The following CD180 variants were observed in gnomAD, a reference collection of about 807,000 sequenced individuals.
The protein encoded by CD180 is CD180 antigen.
A neutral mutation model predicts 10.7 loss-of-function variants in CD180; 11 were observed. The ratio of observed to expected loss-of-function variants is 1.03; its 90% CI spans 0.65 to 1.70. The LOEUF is 1.70. Ranked by LOEUF, CD180 falls within the 40% of genes most tolerant of loss-of-function variation. The pLI is 0.00. For synonymous variants in CD180, 286 were observed against 294.6 expected (o/e 0.97, Z 0.30); for missense variants, 729 against 775.2 (o/e 0.94, Z 0.71).
rs747424517 is a variant in CD180 at position 67,182,970 on chromosome 5, A to G, written c.1873T>C (p.Cys625Arg). 6.2e-7 allele frequency: 1 copy of G among 1,614,232 alleles called. No individual in the cohort carries two copies. Among genetic ancestry groups the G allele is most frequent in the Non-Finnish European group, 8.5e-7 (1 of 1,180,028 alleles). ...GVKLSDVKLS[C>R]GITAIGIFFL... ...AAAATGCCTATGGCTGTAATCCCAC[A>G]GGAAAGCTTGACATCAGATAGCTTA... The change falls in exon 3 of 3, where the codon TGT becomes CGT. Residue 625 changes from cysteine to arginine, a missense_variant. Physicochemically the swap from Cys to Arg is radical, Grantham distance 180. Coordinates refer to ENST00000256447, the MANE Select transcript of CD180 (RefSeq NM_005582.3).
intron 1 of CD180, chr5:67,190,972 A>T: frequency 2.0e-6 from 2 of 985,418 alleles, no homozygotes; most frequent in Non-Finnish European, 2.4e-6. Context: ...CACACGCAGC[A>T]GCCACCTCCC....
intron 1 of CD180, among the ~76,000 whole-genome samples, chr5:67,195,947 C>T (rs1254942554): frequency 1.3e-5 from 2 of 152,190 alleles, no homozygotes; most frequent in Non-Finnish European, 2.9e-5. Context: ...TCTCCTTTTT[C>T]TCTCATTATC....
At chr5:67,191,758 CAG>C (rs966343370) in intron 1 of CD180, among the ~76,000 whole-genome samples, 2 of 151,844 alleles carry the variant, frequency 1.3e-5, no homozygotes, top group Non-Finnish European at 2.9e-5. Flanking sequence ...GAGAGAGAGA[CAG>C]AGAGAGAAAA....
intron 1 of CD180, among the ~76,000 whole-genome samples, chr5:67,195,280 A>G (rs1169663915): frequency 6.6e-6 from 1 of 152,172 alleles, no homozygotes; most frequent in Non-Finnish European, 1.5e-5. Flanking sequence ...GCGGTGGCAC[A>G]ATCACGGCTC....
At chr5:67,194,003 C>A (rs1561238479) in intron 1 of CD180, among the ~76,000 whole-genome samples, 1 of 152,120 alleles carries the variant, frequency 6.6e-6, no homozygotes, top group Non-Finnish European at 1.5e-5. Context: ...TCATGCCTCC[C>A]AAATGTCTGT....
Position 67,185,830 on chromosome 5 carries a change from A to G in CD180, c.257+21T>C, listed in dbSNP as rs1374210437. 2.0e-6 allele frequency: 3 copies of G among 1,532,026 alleles called. No homozygotes were observed. The African/African-American group carries it at 4.2e-5, about 21-fold the overall frequency. 94.9% of individuals were successfully genotyped at this position (1,532,026 alleles called of 1,614,324 possible). On this transcript the variant is annotated intron_variant, in intron 2 of 2. Transcript: ENST00000256447. ...TAACTTAAATAAAATAAAAGAGCAC[A>G]CAAATAACTCAGATACATACCTAGT...
At chr5:67,185,062 TCACA>T (rs57251966) in intron 2 of CD180, among the ~76,000 whole-genome samples, 4,659 of 144,978 alleles carry the variant, frequency 0.032, 118 homozygotes, top group African/African-American at 0.081. Context: ...AAATACTGGA[TCACA>T]CACACACACA....
chr5:67,194,442 C>A (rs574033246), intron 1 of CD180, among the ~76,000 whole-genome samples: 2 of 152,246 alleles, frequency 1.3e-5, no homozygotes, highest in South Asian at 4.2e-4. Context: ...CCCCATCCTG[C>A]GGCCTCACCC....
At chr5:67,184,731 A>G in intron 2 of CD180, 146 bp from the exon 3 acceptor site, 1 of 693,646 alleles carries the variant, frequency 1.4e-6, no homozygotes. Flanking sequence ...TGGCCTATTG[A>G]AGGAATTAAT....
chr5:67,196,573 G>C lies in CD180; in HGVS notation c.69C>G (p.Ser23=). 6.2e-7 allele frequency: 1 copy of C among 1,614,034 alleles called. No individual in the cohort carries two copies. The highest frequency in any genetic ancestry group is 8.5e-7 in the Non-Finnish European group (1 of 1,179,990). ...TCACCTCAATGCACATCTGATCCCAGGAGGTGATGACTTTACAGCCGGCAG... is the reference window on the plus strand; with the variant it reads ...TCACCTCAATGCACATCTGATCCCACGAGGTGATGACTTTACAGCCGGCAG... ...LFSAGCKVIT[S]WDQMCIEKEA... is the part of the protein sequence containing the mutation. Residue 23 remains serine (S), a synonymous_variant, in exon 1 of 3, where the codon TCC becomes TCG. Coordinates refer to ENST00000256447, the MANE Select transcript of CD180 (RefSeq NM_005582.3).
chr5:67,196,463 G>T, intron 1 of CD180, 89 bp downstream of exon 1: 2 of 1,216,820 alleles, frequency 1.6e-6, no homozygotes, highest in South Asian at 1.3e-5. Context: ...ACTAGATATT[G>T]GGATGCCAAG....
rs1404671957 is a variant in CD180 at position 67,181,717 on chromosome 5, G to T, written c.*1140C>A. The T allele has an allele frequency of 6.6e-6, 1 of 152,272 alleles. No homozygotes were observed. The highest frequency in any genetic ancestry group is 6.5e-5 in the Admixed American group (1 of 15,280). The allele number at this position is 152,272 out of a possible 1,614,324, so 9.4% of individuals were successfully genotyped here. Reference sequence around the variant, plus strand: ...AAGACTTCAGAAGATACAGGCCTGTGTGAGTATGGCCCTTTAAGCCTAAGT... The same window carrying T: ...AAGACTTCAGAAGATACAGGCCTGTTTGAGTATGGCCCTTTAAGCCTAAGT... On this transcript the variant is annotated 3_prime_UTR_variant, in exon 3 of 3. Transcript: ENST00000256447.
In CD180 at chr5:67,184,536, A is replaced by C; in HGVS notation, c.307T>G (p.Leu103Val). ...HEDTFQSHHQ[L>V]STLVLTGNPL... Reference sequence around the variant, plus strand: ...TTTCCAGTTAACACAAGTGTGCTTAATTGATGATGGCTTTGAAAAGTGTCT... The same window carrying C: ...TTTCCAGTTAACACAAGTGTGCTTACTTGATGATGGCTTTGAAAAGTGTCT... The change falls in exon 3 of 3, where the codon TTA (leucine) becomes GTA (valine). Residue 103 changes from leucine (L) to valine (V), a missense_variant. By Grantham distance (32) the Leu-to-Val change is conservative (BLOSUM62 1). Coordinates refer to ENST00000256447, the MANE Select transcript of CD180 (RefSeq NM_005582.3). The C allele has an allele frequency of 6.2e-7, 1 of 1,607,790 alleles. No individual in the cohort carries two copies. Among genetic ancestry groups the C allele is most frequent in the South Asian group, 1.1e-5 (1 of 90,968 alleles).
In CD180 at chr5:67,183,698, A is replaced by G. The variant is rs1561233689; in HGVS notation, c.1145T>C (p.Ile382Thr). 13 of 1,614,190 alleles carry G rather than the reference A, an allele frequency of 8.1e-6. No individual in the cohort carries two copies. The highest frequency in any genetic ancestry group is 1.1e-5 in the Non-Finnish European group (13 of 1,180,040). ...LQTLDLSHNDIEASDCCSLQL... is the reference protein window; with the variant it reads ...LQTLDLSHNDTEASDCCSLQL... ...CAGACTGCAGCAGTCAGAAGCCTCT[A>G]TGTCATTATGGCTTAAATCAAGTGT... The change falls in exon 3 of 3, where the codon ATA (isoleucine) becomes ACA (threonine). Residue 382 changes from isoleucine to threonine, a missense_variant. Ile to Thr is a moderately conservative substitution (Grantham distance 89). Coordinates refer to ENST00000256447, the MANE Select transcript of CD180 (RefSeq NM_005582.3).
chr5:67,190,071 T>G (rs1359596106), intron 1 of CD180, among the ~76,000 whole-genome samples: 2 of 152,244 alleles, frequency 1.3e-5, no homozygotes, highest in South Asian at 4.1e-4. Context: ...ACTCCTTTAA[T>G]CTGAGACAGT....
rs1465347600 is a variant in CD180 at position 67,180,908 on chromosome 5, A to C, written c.*1949T>G. On this transcript the variant is annotated 3_prime_UTR_variant, in exon 3 of 3. Coordinates refer to ENST00000256447, the MANE Select transcript of CD180 (RefSeq NM_005582.3). ...CAGCTACTCAGGAGGCTGAGGCAGG[A>C]GAATCGCTGGAACCTGGGAGGCGGA... 2.0e-5 allele frequency: 3 copies of C among 152,202 alleles called. No homozygotes were observed. The highest frequency in any genetic ancestry group is 2.1e-4 in the South Asian group (1 of 4,814). The allele number at this position is 152,202 out of a possible 1,614,324, so 9.4% of individuals were successfully genotyped here. A position where few individuals can be genotyped will look rare whatever the true frequency, so the allele number is the denominator to read the frequency against.
rs1294896015 is a variant in CD180, at chr5:67,181,209, A to AT, written c.*1647dup. 6.6e-6 allele frequency: 1 copy of AT among 152,202 alleles called. No homozygotes were observed. Among genetic ancestry groups the AT allele is most frequent in the Non-Finnish European group, 1.5e-5 (1 of 68,034 alleles). The allele number at this position is 152,202 out of a possible 1,614,324, so 9.4% of individuals were successfully genotyped here. ...ATGAAGAAGTTAATTCCAAACACTG[A>AT]TAAGCATTATAAAGATAATAAAACC... is the stretch of plus-strand genomic sequence containing the variant. On this transcript the variant is annotated 3_prime_UTR_variant, in exon 3 of 3. Coordinates refer to ENST00000256447, the MANE Select transcript of CD180 (RefSeq NM_005582.3).
chr5:67,184,748 C>A (rs1255019591), intron 2 of CD180, among the ~76,000 whole-genome samples, 163 bp from the exon 3 acceptor site: 1 of 152,058 alleles, frequency 6.6e-6, no homozygotes, highest in Admixed American at 6.6e-5. Flanking sequence ...TAATGAGTAG[C>A]CTCACTTCTG....
chr5:67,190,011 T>G (rs1742271176), intron 1 of CD180, among the ~76,000 whole-genome samples: 1 of 152,240 alleles, frequency 6.6e-6, no homozygotes, highest in African/African-American at 2.4e-5. Flanking sequence ...GTAATTTTTG[T>G]TTTTCCAATC....
Sources: allele counts gnomAD v4.1 joint callset (sites outside exome capture counted in the v4.1 genomes callset), GRCh38; gene constraint gnomAD v4.1.1; transcripts MANE v1.5; gene names NCBI Gene and HGNC (gene_info 2026-07-23, HGNC 2026-07-21).